C6: variants seen among roughly 807,000 people sequenced by gnomAD.
C6 encodes the protein complement C6, also known as complement component C6.
Under a neutral mutation model 112.9 loss-of-function variants are expected in C6, and 101 were observed. The ratio of observed to expected loss-of-function variants is 0.89; its 90% CI spans 0.76 to 1.06. The LOEUF is 1.06. Ranked by LOEUF, C6 falls within the 50% of genes least tolerant of loss-of-function variation. The pLI is 0.00. For synonymous variants in C6, 431 were observed against 384.1 expected, an observed-to-expected ratio of 1.12 and a Z score of -1.43; for missense variants, 1,202 against 1,104.6, an observed-to-expected ratio of 1.09 and a Z score of -1.25.
At chr5:41,217,599 T>C (rs1162314418), upstream of C6, among the ~76,000 whole-genome samples, 1 of 152,128 alleles carries the variant, frequency 6.6e-6, no homozygotes, top group East Asian at 1.9e-4. Flanking sequence ...TGTTGAACAA[T>C]GCATAATGAT....
chr5:41,193,798 T>TTTG (rs1750401260), intron 5 of C6, among the ~76,000 whole-genome samples: 1 of 149,762 alleles, frequency 6.7e-6, no homozygotes, highest in Admixed American at 6.7e-5. Context: ...GGAAGCTATT[T>TTTG]TTTTTTTTTT....
At chr5:41,176,766 A>C (rs367656646) in intron 7 of C6, 51 bp from the exon 8 acceptor site, 1 of 1,507,870 alleles carries the variant, frequency 6.6e-7, no homozygotes, top group Non-Finnish European at 9.2e-7. Context: ...GAAAGTTTGA[A>C]GTACCTAGCA....
At chr5:41,254,345 G>T (rs1741549215) in intron 1 of C6, among the ~76,000 whole-genome samples, 2 of 152,146 alleles carry the variant, frequency 1.3e-5, no homozygotes, top group Admixed American at 1.3e-4. Context: ...GGTGGAGCTT[G>T]CAGTGAGCCG....
chr5:41,180,832 TA>T (rs71606601), intron 7 of C6, among the ~76,000 whole-genome samples: 2,208 of 134,154 alleles, frequency 0.016, 39 homozygotes, highest in African/African-American at 0.05. Context: ...TATGAGGAAT[TA>T]AAAAAAAAAA....
chr5:41,245,574 A>G (rs1740973895), intron 1 of C6, among the ~76,000 whole-genome samples: 1 of 152,302 alleles, frequency 6.6e-6, no homozygotes, highest in Non-Finnish European at 1.5e-5. Context: ...CCTGTGGGTA[A>G]GTTTTTAGTT....
intron 1 of C6, among the ~76,000 whole-genome samples, chr5:41,228,189 G>A (rs561509729): frequency 3.3e-5 from 5 of 151,624 alleles, no homozygotes; most frequent in African/African-American, 1.2e-4. Flanking sequence ...TTACCTCCTT[G>A]TTTAACTTCA....
intron 8 of C6, among the ~76,000 whole-genome samples, chr5:41,175,394 G>T (rs1283952177): frequency 6.6e-6 from 1 of 152,182 alleles, no homozygotes; most frequent in Non-Finnish European, 1.5e-5. Flanking sequence ...TGTATATATG[G>T]ATATGCATGG....
intron 6 of C6, among the ~76,000 whole-genome samples, chr5:41,182,390 G>C (rs1428493713): frequency 2.6e-5 from 4 of 151,866 alleles, no homozygotes; most frequent in South Asian, 4.2e-4. Context: ...ACTGTTTTAA[G>C]ACACTGACAT....
chr5:41,214,571 G>A (rs1047001254), upstream of C6, among the ~76,000 whole-genome samples: 1 of 152,132 alleles, frequency 6.6e-6, no homozygotes, highest in African/African-American at 2.4e-5. Flanking sequence ...GTAGAGTGGT[G>A]TGCTGCAGAC....
At chr5:41,261,294 A>G in exon 1 of C6, 1 of 680,652 alleles carries the variant, frequency 1.5e-6, no homozygotes, top group South Asian at 6.5e-5. Context: ...AGCTCTCAGC[A>G]GGAATCTTAC....
At chr5:41,206,373 C>A (rs1404525716) in intron 1 of C6, among the ~76,000 whole-genome samples, 3 of 152,232 alleles carry the variant, frequency 2.0e-5, no homozygotes, top group African/African-American at 7.2e-5. Context: ...CGGAGAATGA[C>A]TTTGACCAGC....
chr5:41,231,652 T>A (rs1289665062), intron 1 of C6, among the ~76,000 whole-genome samples: 2 of 152,056 alleles, frequency 1.3e-5, no homozygotes, highest in East Asian at 3.9e-4. Context: ...TCTGGTAAAA[T>A]TCTCCATTTT....
intron 13 of C6, 89 bp from the exon 14 acceptor site, chr5:41,155,193 A>C: frequency 7.9e-7 from 1 of 1,265,542 alleles, no homozygotes; most frequent in Non-Finnish European, 1.1e-6. Flanking sequence ...TCTATCCTTC[A>C]CTTCTGGATC....
At chr5:41,212,617 C>A (rs1425752821) in intron 1 of C6, among the ~76,000 whole-genome samples, 1 of 152,034 alleles carries the variant, frequency 6.6e-6, no homozygotes, top group African/African-American at 2.4e-5. Flanking sequence ...CATTACTGTA[C>A]AATTTTCATA....
At chr5:41,247,778 A>G (rs1184450298) in intron 1 of C6, among the ~76,000 whole-genome samples, 1 of 152,118 alleles carries the variant, frequency 6.6e-6, no homozygotes, top group African/African-American at 2.4e-5. Context: ...CTACAAGGAA[A>G]ACTTGTACAA....
chr5:41,145,534 A>T (rs1745739263), intron 17 of C6, among the ~76,000 whole-genome samples: 1 of 152,246 alleles, frequency 6.6e-6, no homozygotes, highest in Admixed American at 6.5e-5. Flanking sequence ...CAATGAGGTC[A>T]TGAATGAATA....
At chr5:41,195,741 C>T (rs1019465550) in intron 5 of C6, 51 bp downstream of exon 5, 1 of 1,588,990 alleles carries the variant, frequency 6.3e-7, no homozygotes, top group African/African-American at 1.3e-5. Flanking sequence ...CCCTCTGACT[C>T]ATTTGTTCTG....
intron 1 of C6, among the ~76,000 whole-genome samples, chr5:41,206,164 T>C (rs1431019067): frequency 6.6e-6 from 1 of 152,154 alleles, no homozygotes; most frequent in Non-Finnish European, 1.5e-5. Flanking sequence ...GTCCTGACTG[T>C]TAGAAGGAAA....
At chr5:41,231,218 G>T (rs974880888) in intron 1 of C6, among the ~76,000 whole-genome samples, 1 of 152,020 alleles carries the variant, frequency 6.6e-6, no homozygotes, top group Non-Finnish European at 1.5e-5. Context: ...TGAAAGATAA[G>T]GATTTACTTG....
Sources: gnomAD v4.1 joint callset for allele counts (sites outside exome capture counted in the v4.1 genomes callset) on GRCh38, gnomAD v4.1.1 for gene constraint, MANE v1.5 for transcripts, NCBI Gene and HGNC (gene_info 2026-07-23, HGNC 2026-07-21) for gene names.